Variants in AKAP13 observed in about 807,000 individuals in gnomAD.
AKAP13 encodes A-kinase anchor protein 13.
Under a neutral mutation model 264.5 loss-of-function variants are expected in AKAP13, and 80 were observed. The ratio of observed to expected loss-of-function variants is 0.30; its 90% CI spans 0.25 to 0.36. The LOEUF is 0.36. Among genes scored for constraint, AKAP13 ranks in the 10% least tolerant of loss-of-function variants. The pLI, the probability that AKAP13 is intolerant of heterozygous loss-of-function variation, is 1.00. For missense variants in AKAP13, 3,712 were observed against 3,435.2 expected (o/e 1.08, Z -2.01); for synonymous variants, 1,380 against 1,250.2 (o/e 1.10, Z -2.19).
chr15:85,413,676 G>A (rs1418774616), intron 1 of AKAP13, among the ~76,000 whole-genome samples: 2 of 152,156 alleles, frequency 1.3e-5, no homozygotes, highest in African/African-American at 4.8e-5. Context: ...GTGTCATCAC[G>A]GTTTCAGCTC....
intron 2 of AKAP13, among the ~76,000 whole-genome samples, chr15:85,511,354 C>T (rs778330501): frequency 6.6e-6 from 1 of 152,170 alleles, no homozygotes; most frequent in Non-Finnish European, 1.5e-5. Context: ...TAGTTCTTAA[C>T]TTAGTGCAGG....
intron 2 of AKAP13, among the ~76,000 whole-genome samples, chr15:85,504,372 G>A (rs2076126100): frequency 6.6e-6 from 1 of 151,374 alleles, no homozygotes; most frequent in South Asian, 2.1e-4. Context: ...AATTTTTATG[G>A]AGAATTAATA....
In AKAP13 at chr15:85,631,498, T is replaced by TCA. The variant is rs1202064107; in HGVS notation, c.4162-7875_4162-7874insAC. ...CACACACACTTTCTCTCTCTCTCTC[T>TCA]CTCTCACACACACACACACACACAC... On this transcript the variant is annotated intron_variant, in intron 8 of 36. Coordinates refer to ENST00000394518, the MANE Select transcript of AKAP13 (RefSeq NM_007200.5). Among the ~76,000 whole-genome samples the TCA allele has an allele frequency of 6.4e-3, 428 of 66,476 alleles. 2 individuals carry two copies. Among genetic ancestry groups the TCA allele is most frequent in the African/African-American group, 0.019 (391 of 20,598 alleles). The allele number at this position is 66,476 out of a possible 152,430, so 43.6% of individuals were successfully genotyped here.
intron 5 of AKAP13, among the ~76,000 whole-genome samples, chr15:85,570,812 C>T (rs1015218408): frequency 1.4e-4 from 21 of 152,170 alleles, no homozygotes; most frequent in Admixed American, 3.3e-4. Flanking sequence ...AGGAGCTAGT[C>T]CAGAAGTGGG....
chr15:85,582,059 G>A lies in AKAP13; in HGVS notation c.3991G>A (p.Glu1331Lys). Residue 1331 changes from glutamate to lysine, a missense_variant, in exon 7 of 37, where the codon GAG (glutamate) becomes AAG (lysine). Physicochemically the swap from Glu to Lys is moderately conservative, Grantham distance 56 (BLOSUM62 1). This residue lies in a region of AKAP13 where 2,759 missense variants were observed against 2,411.7 expected (regional missense o/e 1.14). Coordinates refer to ENST00000394518, the MANE Select transcript of AKAP13 (RefSeq NM_007200.5). The stretch of plus-strand genomic sequence containing the variant: ...TGCAGGATGTTTTGCTGGAAGGGAG[G>A]AGCCAGAGAAGATCATTTTACCTGT... ...SLAGCFAGRE[E>K]PEKIILPVQG... 1 of 1,613,404 alleles carries A rather than the reference G, an allele frequency of 6.2e-7. No homozygotes were observed. Among genetic ancestry groups the A allele is most frequent in the South Asian group, 1.1e-5 (1 of 91,040 alleles).
At chr15:85,448,273 T>C (rs149394819) in intron 1 of AKAP13, among the ~76,000 whole-genome samples, 2,199 of 152,332 alleles carry the variant, frequency 0.014, 61 homozygotes, top group African/African-American at 0.05. Context: ...TATTAGACCT[T>C]TGTCACATGC....
At chr15:85,572,110 G>A (rs1389168270) in intron 5 of AKAP13, among the ~76,000 whole-genome samples, 1 of 152,104 alleles carries the variant, frequency 6.6e-6, no homozygotes, top group Admixed American at 6.5e-5. Flanking sequence ...TTTTGAGAAG[G>A]TTGGTAGAAT....
At chr15:85,549,266 T>C (rs1173195970) in intron 5 of AKAP13, among the ~76,000 whole-genome samples, 1 of 152,220 alleles carries the variant, frequency 6.6e-6, no homozygotes, top group Non-Finnish European at 1.5e-5. Context: ...TGTAGATTAA[T>C]GGAACAAGGA....
chr15:85,503,029 G>C (rs927738870), intron 2 of AKAP13, among the ~76,000 whole-genome samples: 1 of 152,098 alleles, frequency 6.6e-6, no homozygotes, highest in African/African-American at 2.4e-5. Context: ...TATTTACTTG[G>C]GAATGGATGG....
At chr15:85,715,641 C>T (rs912954677) in intron 19 of AKAP13, 147 bp from the exon 20 acceptor site, 5 of 1,042,834 alleles carry the variant, frequency 4.8e-6, no homozygotes, top group Non-Finnish European at 6.6e-6. Flanking sequence ...AGTTAGTGTC[C>T]TCTCCTCCAT....
At position 85,580,849 on chromosome 15, in the gene AKAP13, T is replaced by G. The variant is rs770517766; in HGVS notation, c.2781T>G (p.Asp927Glu). The change falls in exon 7 of 37, where the codon GAT (aspartate) becomes GAG (glutamate). Residue 927 changes from aspartate (D) to glutamate (E), a missense_variant. This residue lies in a region of AKAP13 where 2,759 missense variants were observed against 2,411.7 expected (regional missense o/e 1.14). Transcript: ENST00000394518. Reference sequence around the variant, plus strand: ...AAAGCTCTGCAGCTCAGGAACAAGATAAGGATAAAGCGGTGACCTGTTCCT... The same window carrying G: ...AAAGCTCTGCAGCTCAGGAACAAGAGAAGGATAAAGCGGTGACCTGTTCCT... ...VSESSAAQEQ[D>E]KDKAVTCSSI... is the part of the protein sequence containing the mutation. 4 of 1,614,010 alleles carry G rather than the reference T, an allele frequency of 2.5e-6. No individual in the cohort carries two copies. The African/African-American group carries it at 4.0e-5, about 16-fold the overall frequency.
chr15:85,744,636 G>T lies in AKAP13; in HGVS notation c.8401G>T (p.Ala2801Ser), dbSNP rs2614668. 6.2e-7 allele frequency: 1 copy of T among 1,613,558 alleles called. No individual in the cohort carries two copies. Among genetic ancestry groups the T allele is most frequent in the South Asian group, 1.1e-5 (1 of 91,056 alleles). The change falls in exon 37 of 37, where the codon GCG (alanine) becomes TCG (serine). Residue 2801 changes from alanine (A) to serine (S), a missense_variant. Ala to Ser is a moderately conservative substitution (Grantham distance 99, BLOSUM62 1). Coordinates refer to ENST00000394518, the MANE Select transcript of AKAP13 (RefSeq NM_007200.5). ...TSRSQPGDGP[A>S]SEVSAEGEEI... ...GGTTTTCACATTTCCAGATGGTCCC[G>T]CGTCAGAAGTATCAGCAGAGGGTGA... is the stretch of plus-strand genomic sequence containing the variant.
At chr15:85,562,574 AATATATATAT>A (rs1224541443) in intron 5 of AKAP13, among the ~76,000 whole-genome samples, 10 of 77,686 alleles carry the variant, frequency 1.3e-4, no homozygotes, top group Non-Finnish European at 3.0e-5. Context: ...CAAAAAAAAA[AATATATATAT>A]ATATATATAT....
At chr15:85,442,506 T>TA (rs2073727978) in intron 1 of AKAP13, among the ~76,000 whole-genome samples, 4 of 112,816 alleles carry the variant, frequency 3.5e-5, no homozygotes, top group Non-Finnish European at 7.4e-5. Context: ...TATTATATTA[T>TA]ATATAATATA....
At position 85,677,235 on chromosome 15, in the gene AKAP13, T is replaced by C. The variant is rs2084274259; in HGVS notation, c.5102-4923T>C. The C allele has an allele frequency of 1.3e-5, 10 of 767,062 alleles. No homozygotes were observed. In the South Asian group the frequency reaches 4.2e-4, roughly 32 times the overall value. 47.5% of individuals were successfully genotyped at this position (767,062 alleles called of 1,614,324 possible). A position where few individuals can be genotyped will look rare whatever the true frequency, so the allele number is the denominator to read the frequency against. ...GCCATCCTTTGTAAGTCATTTGTCTTTATGCTTGCCTTTGAGAATTGGTTT... is the reference window on the plus strand; with the variant it reads ...GCCATCCTTTGTAAGTCATTTGTCTCTATGCTTGCCTTTGAGAATTGGTTT... On this transcript the variant is annotated intron_variant, in intron 14 of 36. Transcript: ENST00000394518.
chr15:85,682,950 A>AGCCACCGCACCTGGCCACG (rs6145666), intron 15 of AKAP13, among the ~76,000 whole-genome samples: 144,011 of 152,300 alleles, frequency 0.95, 68,139 homozygotes, highest in African/African-American at 0.99. Context: ...TACAGGCGTG[A>AGCCACCGCACCTGGCCACG]AATTGATTCT....
At chr15:85,468,668 A>G (rs2074843436) in intron 1 of AKAP13, among the ~76,000 whole-genome samples, 1 of 152,324 alleles carries the variant, frequency 6.6e-6, no homozygotes, top group South Asian at 2.1e-4. Flanking sequence ...AGAATTTTGT[A>G]TGAAGTCTGA....
intron 1 of AKAP13, among the ~76,000 whole-genome samples, chr15:85,424,925 A>G (rs1322295346): frequency 6.6e-6 from 1 of 152,234 alleles, no homozygotes; most frequent in Non-Finnish European, 1.5e-5. Flanking sequence ...TTGGTGGAGC[A>G]GTTAGAACAT....
At chr15:85,637,726 C>A (rs1260890948) in intron 8 of AKAP13, among the ~76,000 whole-genome samples, 1 of 151,868 alleles carries the variant, frequency 6.6e-6, no homozygotes, top group African/African-American at 2.4e-5. Flanking sequence ...GATTTGAAAC[C>A]TTATGTTCTA....
Sources: gnomAD v4.1 joint callset for allele counts (sites outside exome capture counted in the v4.1 genomes callset) on GRCh38, gnomAD v4.1.1 for gene constraint, gnomAD v4.1.1 regional missense constraint, MANE v1.5 for transcripts, NCBI Gene and HGNC (gene_info 2026-07-23, HGNC 2026-07-21) for gene names.